Variants in TESK2 observed in about 807,000 individuals in gnomAD.
The protein encoded by TESK2 is testis associated actin remodelling kinase 2.
In TESK2, 39 loss-of-function variants were observed where a neutral mutation model predicts 57.1. The ratio of observed to expected loss-of-function variants is 0.68; its 90% CI spans 0.53 to 0.89. The LOEUF (loss-of-function observed/expected upper bound fraction) is 0.89, where lower values mean the gene tolerates loss of function less well. Among genes scored for constraint, TESK2 ranks in the 40% least tolerant of loss-of-function variants. The pLI, the probability that TESK2 is intolerant of heterozygous loss-of-function variation, is 0.00. For synonymous variants in TESK2, 249 were observed against 267.9 expected (o/e 0.93, Z 0.69); for missense variants, 646 against 732.1 (o/e 0.88, Z 1.36).
intron 3 of TESK2, among the ~76,000 whole-genome samples, chr1:45,401,905 G>A (rs966308735): frequency 2.0e-5 from 3 of 151,956 alleles, no homozygotes; most frequent in Non-Finnish European, 4.4e-5. Context: ...ATATCATAGG[G>A]GTTCTTCTGA....
intron 1 of TESK2, among the ~76,000 whole-genome samples, chr1:45,471,697 C>T (rs982716511): frequency 1.3e-5 from 2 of 152,048 alleles, no homozygotes; most frequent in Non-Finnish European, 2.9e-5. Context: ...TGAGCCACTG[C>T]ACCCAAACAA....
At chr1:45,481,908 G>T (rs188649808) in intron 1 of TESK2, among the ~76,000 whole-genome samples, 63 of 152,244 alleles carry the variant, frequency 4.1e-4, no homozygotes, top group Admixed American at 1.7e-3. Context: ...AAATGGAAAG[G>T]TGCAGTATTA....
At chr1:45,418,004 T>G (rs1650316582) in intron 3 of TESK2, among the ~76,000 whole-genome samples, 1 of 152,188 alleles carries the variant, frequency 6.6e-6, no homozygotes, top group South Asian at 2.1e-4. Flanking sequence ...AAAGTCAACT[T>G]TCCATGCATT....
chr1:45,445,195 A>G (rs1651599456), intron 2 of TESK2, among the ~76,000 whole-genome samples: 1 of 152,006 alleles, frequency 6.6e-6, no homozygotes, highest in African/African-American at 2.4e-5. Context: ...TCAACCCACT[A>G]TGATCTCAAC....
At chr1:45,458,368 C>G (rs1433060671) in intron 1 of TESK2, among the ~76,000 whole-genome samples, 1 of 152,148 alleles carries the variant, frequency 6.6e-6, no homozygotes, top group African/African-American at 2.4e-5. Flanking sequence ...AGTTTGAGAC[C>G]AGCCTGGCCA....
chr1:45,466,904 T>C (rs918074446), intron 1 of TESK2, among the ~76,000 whole-genome samples: 1 of 151,952 alleles, frequency 6.6e-6, no homozygotes, highest in Non-Finnish European at 1.5e-5. Context: ...AACCACAAAG[T>C]TATTGATTAA....
intron 1 of TESK2, among the ~76,000 whole-genome samples, chr1:45,472,254 A>C (rs1426628972): frequency 1.1e-5 from 1 of 91,314 alleles, no homozygotes; most frequent in African/African-American, 3.5e-5. Context: ...TCCATCTCAA[A>C]AAAAAAAAAA....
intron 1 of TESK2, among the ~76,000 whole-genome samples, chr1:45,458,638 C>T (rs1176043707): frequency 6.6e-6 from 1 of 151,504 alleles, no homozygotes; most frequent in Non-Finnish European, 1.5e-5. Context: ...CCAATCAATA[C>T]CCTTTATAGC....
At chr1:45,354,492 G>A (rs11586695) in intron 5 of TESK2, among the ~76,000 whole-genome samples, 9,472 of 152,086 alleles carry the variant, frequency 0.062, 431 homozygotes, top group Non-Finnish European at 0.094. Context: ...GAGGGGTGAT[G>A]GCAGGCGTCT....
intron 4 of TESK2, among the ~76,000 whole-genome samples, chr1:45,357,724 G>T (rs905587293): frequency 4.0e-5 from 6 of 151,824 alleles, no homozygotes; most frequent in African/African-American, 7.3e-5. Flanking sequence ...GCTCCCAGGG[G>T]TGGGATCATA....
chr1:45,434,763 T>C (rs757734974), intron 2 of TESK2, among the ~76,000 whole-genome samples: 1 of 152,040 alleles, frequency 6.6e-6, no homozygotes, highest in Non-Finnish European at 1.5e-5. Context: ...TTTGGATAAA[T>C]AGTTTACGAG....
intron 4 of TESK2, among the ~76,000 whole-genome samples, chr1:45,381,860 C>CTTTTTTTTTTTT (rs748886310): frequency 2.2e-5 from 2 of 91,890 alleles, no homozygotes; most frequent in African/African-American, 4.1e-5. Context: ...CATTCCTATT[C>CTTTTTTTTTTTT]TTTTTTTTTT....
intron 3 of TESK2, among the ~76,000 whole-genome samples, chr1:45,386,436 A>AGAAAGG (rs201451135): frequency 1.3e-5 from 2 of 150,826 alleles, no homozygotes; most frequent in Admixed American, 6.6e-5. Flanking sequence ...AAAGGCAAAG[A>AGAAAGG]GAAAGGGAAA....
At chr1:45,383,701 A>T (rs1398685721) in intron 4 of TESK2, among the ~76,000 whole-genome samples, 1 of 152,226 alleles carries the variant, frequency 6.6e-6, no homozygotes, top group African/African-American at 2.4e-5. Context: ...TTCAGAGAAC[A>T]ATCACACATG....
Position 45,347,878 on chromosome 1 carries a change from C to A in TESK2, c.623+40G>T, listed in dbSNP as rs773980149. The stretch of plus-strand genomic sequence containing the variant: ...CTAGAATTTTCCCTTAGCTTCAGCC[C>A]CCTGTCCCTTGGACCCCAGCATCCA... On this transcript the variant is annotated intron_variant, in intron 6 of 10. Transcript: ENST00000372086. 1.5e-5 allele frequency: 23 copies of A among 1,547,052 alleles called. No individual in the cohort carries two copies. The East Asian group carries it at 4.7e-4, about 32-fold the overall frequency.
In TESK2 at chr1:45,385,710, G is replaced by GTATATATATATA. The variant is rs754585734; in HGVS notation, c.393+190_393+201dup. Among the ~76,000 whole-genome samples the GTATATATATATA allele has an allele frequency of 4.9e-3, 659 of 135,218 alleles. 12 individuals carry two copies. Among genetic ancestry groups the GTATATATATATA allele is most frequent in the African/African-American group, 0.014 (463 of 33,790 alleles). The allele number at this position is 135,218 out of a possible 152,430, so 88.7% of individuals were successfully genotyped here. A position where few individuals can be genotyped will look rare whatever the true frequency, so the allele number is the denominator to read the frequency against. On this transcript the variant is annotated intron_variant, in intron 4 of 10. Transcript: ENST00000372086. ...ACTTAAAGTGTATGTGTGTGTGTGTGTATATATATATATATATATATATAT... is the reference window on the plus strand; with the variant it reads ...ACTTAAAGTGTATGTGTGTGTGTGTGTATATATATATATATATATATATATATATATATATAT...
chr1:45,365,034 TGCTG>T (rs2149268154), intron 4 of TESK2, among the ~76,000 whole-genome samples: 1 of 152,334 alleles, frequency 6.6e-6, no homozygotes, highest in African/African-American at 2.4e-5. Context: ...AATACTTTTG[TGCTG>T]GCCACCGTAT....
chr1:45,470,382 TC>T (rs1268339994), intron 1 of TESK2, among the ~76,000 whole-genome samples: 1 of 152,170 alleles, frequency 6.6e-6, no homozygotes, highest in Non-Finnish European at 1.5e-5. Flanking sequence ...AGGATGACTA[TC>T]TAATTAAAAA....
At chr1:45,466,829 C>T (rs968639853) in intron 1 of TESK2, among the ~76,000 whole-genome samples, 17 of 151,682 alleles carry the variant, frequency 1.1e-4, no homozygotes, top group Admixed American at 7.9e-4. Context: ...AGTTCCCTAT[C>T]TGAAAAATGA....
Sources: gnomAD v4.1 joint callset for allele counts (sites outside exome capture counted in the v4.1 genomes callset) on GRCh38, gnomAD v4.1.1 for gene constraint, MANE v1.5 for transcripts, NCBI Gene and HGNC (gene_info 2026-07-23, HGNC 2026-07-21) for gene names.